The following C8orf34 variants were observed in gnomAD, a reference collection of about 807,000 sequenced individuals.
C8orf34 encodes the protein uncharacterized protein C8orf34.
Under a neutral mutation model 68.3 loss-of-function variants are expected in C8orf34, and 65 were observed. The observed-to-expected ratio is 0.95, with a 90% CI of 0.78 to 1.17. C8orf34 has a LOEUF of 1.17. C8orf34 is among the 50% of genes most tolerant of loss of function. The pLI, the probability that C8orf34 is intolerant of heterozygous loss-of-function variation, is 0.00. For missense variants in C8orf34, 664 were observed against 655.4 expected (o/e 1.01, Z -0.14); for synonymous variants, 244 against 241.2 (o/e 1.01, Z -0.11).
At chr8:68,804,141 CTCAACTTTGCTG>C (rs1256829020) in intron 12 of C8orf34, among the ~76,000 whole-genome samples, 1 of 152,074 alleles carries the variant, frequency 6.6e-6, no homozygotes, top group African/African-American at 2.4e-5. Context: ...ATCAATTTTC[CTCAACTTTGCTG>C]TCATTTTCTC....
chr8:68,330,453 G>C (rs1391417625), upstream of C8orf34, among the ~76,000 whole-genome samples: 3 of 152,128 alleles, frequency 2.0e-5, no homozygotes, highest in Non-Finnish European at 4.4e-5. Context: ...TTTTGAAAAG[G>C]AAGGCAACTT....
chr8:68,752,336 A>C (rs966665333), intron 10 of C8orf34, among the ~76,000 whole-genome samples: 1 of 152,162 alleles, frequency 6.6e-6, no homozygotes, highest in Admixed American at 6.5e-5. Context: ...GGCATGACTT[A>C]TACTTGTAAG....
intron 5 of C8orf34, among the ~76,000 whole-genome samples, chr8:68,496,662 G>A (rs1329815016): frequency 6.6e-6 from 1 of 152,116 alleles, no homozygotes; most frequent in Non-Finnish European, 1.5e-5. Context: ...AAGTAAGAAT[G>A]TCTTTTCACC....
At chr8:68,343,516 C>T (rs755786199) in intron 1 of C8orf34, among the ~76,000 whole-genome samples, 24 of 151,830 alleles carry the variant, frequency 1.6e-4, no homozygotes, top group Non-Finnish European at 3.1e-4. Context: ...TTCTACCTCC[C>T]TGGACTCAAG....
At chr8:68,715,632 T>C (rs1821449366) in intron 9 of C8orf34, among the ~76,000 whole-genome samples, 1 of 150,420 alleles carries the variant, frequency 6.6e-6, no homozygotes, top group Admixed American at 6.7e-5. Context: ...CTATGGCCAT[T>C]TTTATTTTTT....
chr8:68,363,778 C>T (rs1201879863), intron 1 of C8orf34, among the ~76,000 whole-genome samples: 5 of 72,934 alleles, frequency 6.9e-5, no homozygotes, highest in East Asian at 9.1e-4. Context: ...CAGTACCAGC[C>T]GCTGCAAAAT....
intron 7 of C8orf34, among the ~76,000 whole-genome samples, chr8:68,566,856 T>A (rs1035798864): frequency 6.6e-6 from 1 of 152,232 alleles, no homozygotes; most frequent in Non-Finnish European, 1.5e-5. Flanking sequence ...CTGGATTTTG[T>A]TGAAGGCTTT....
intron 7 of C8orf34, among the ~76,000 whole-genome samples, chr8:68,622,046 T>C (rs1408961126): frequency 6.6e-6 from 1 of 152,190 alleles, no homozygotes; most frequent in Non-Finnish European, 1.5e-5. Flanking sequence ...AGGATCTGTC[T>C]CCAAGGTCAC....
intron 3 of C8orf34, among the ~76,000 whole-genome samples, chr8:68,463,735 TCAA>T (rs1811966011): frequency 6.6e-6 from 1 of 152,272 alleles, no homozygotes; most frequent in East Asian, 1.9e-4. Flanking sequence ...TTGAAAAAAT[TCAA>T]CAACGCTTCA....
At chr8:68,372,083 G>A (rs1198547361) in intron 1 of C8orf34, among the ~76,000 whole-genome samples, 1 of 152,194 alleles carries the variant, frequency 6.6e-6, no homozygotes, top group Non-Finnish European at 1.5e-5. Context: ...CACTGGCAAA[G>A]AGTTTCACAT....
intron 3 of C8orf34, among the ~76,000 whole-genome samples, chr8:68,462,053 G>A (rs1421164034): frequency 2.0e-5 from 3 of 152,136 alleles, no homozygotes; most frequent in Admixed American, 6.5e-5. Flanking sequence ...CCCATCTCAC[G>A]TGCAGAGACA....
intron 7 of C8orf34, among the ~76,000 whole-genome samples, chr8:68,609,559 A>G (rs1002283958): frequency 1.3e-5 from 2 of 152,198 alleles, no homozygotes; most frequent in African/African-American, 2.4e-5. Context: ...GTGTCAAACT[A>G]AGATGGAGTC....
chr8:68,393,514 C>A (rs1269052691), intron 1 of C8orf34, among the ~76,000 whole-genome samples: 1 of 151,920 alleles, frequency 6.6e-6, no homozygotes, highest in East Asian at 1.9e-4. Flanking sequence ...ACTCTGTCAC[C>A]AGGTCAGGCT....
At chr8:68,391,876 A>G (rs1287073111) in intron 1 of C8orf34, among the ~76,000 whole-genome samples, 2 of 152,142 alleles carry the variant, frequency 1.3e-5, no homozygotes, top group Non-Finnish European at 2.9e-5. Flanking sequence ...TCATCAGCCA[A>G]AGAAATCACA....
At chr8:68,463,386 T>A (rs201254590) in intron 3 of C8orf34, among the ~76,000 whole-genome samples, 2 of 142,572 alleles carry the variant, frequency 1.4e-5, no homozygotes, top group Admixed American at 7.0e-5. Context: ...GTACCATTCC[T>A]TCTGAAACTA....
chr8:68,818,040 T>G (rs1824871680), intron 13 of C8orf34, among the ~76,000 whole-genome samples, 199 bp from the exon 14 acceptor site: 1 of 152,182 alleles, frequency 6.6e-6, no homozygotes, highest in African/African-American at 2.4e-5. Flanking sequence ...TCTAATGTGA[T>G]TAGAATTTTA....
chr8:68,755,561 A>T (rs1162582925), intron 10 of C8orf34, among the ~76,000 whole-genome samples: 1 of 152,192 alleles, frequency 6.6e-6, no homozygotes, highest in South Asian at 2.1e-4. Context: ...ATCTTTGAAG[A>T]TTACACAGCC....
intron 7 of C8orf34, among the ~76,000 whole-genome samples, chr8:68,553,890 A>T (rs1816167370): frequency 6.6e-6 from 1 of 151,878 alleles, no homozygotes; most frequent in Non-Finnish European, 1.5e-5. Flanking sequence ...TTATGAAAAA[A>T]AATGAGAAGT....
intron 8 of C8orf34, among the ~76,000 whole-genome samples, chr8:68,642,219 A>G (rs1316997179): frequency 6.6e-6 from 1 of 152,228 alleles, no homozygotes; most frequent in African/African-American, 2.4e-5. Context: ...GATAAAAACA[A>G]TGAGATAGAA....
Sources: allele counts gnomAD v4.1 joint callset (sites outside exome capture counted in the v4.1 genomes callset), GRCh38; gene constraint gnomAD v4.1.1; transcripts MANE v1.5; gene names NCBI Gene and HGNC (gene_info 2026-07-23, HGNC 2026-07-21).